ADGRL2: variants seen among roughly 807,000 people sequenced by gnomAD.
ADGRL2 encodes the protein calcium-independent alpha-latrotoxin receptor 2.
ADGRL2 carries 44 observed loss-of-function variants against 157.4 expected under a neutral mutation model. That is an observed-to-expected ratio of 0.28 (90% CI 0.22 to 0.36). ADGRL2 has a LOEUF of 0.36. Ranked by LOEUF, ADGRL2 falls within the 10% of genes least tolerant of loss-of-function variation. The probability of loss-of-function intolerance (pLI) is 1.00; values close to 1 mark genes in which losing one functional copy is unlikely to be tolerated. For missense variants in ADGRL2, 1,510 were observed against 1,768.9 expected (o/e 0.85, Z 2.63); for synonymous variants, 585 against 624.7 (o/e 0.94, Z 0.95).
At chr1:81,342,485 T>C (rs1662143234) in intron 1 of ADGRL2, among the ~76,000 whole-genome samples, 1 of 152,174 alleles carries the variant, frequency 6.6e-6, no homozygotes, top group African/African-American at 2.4e-5. Context: ...TCACTATGAT[T>C]CTTGGGTCAG....
Position 81,568,791 on chromosome 1 carries a change from T to C in ADGRL2, c.-247-12085T>C, listed in dbSNP as rs2080620251. 2.0e-5 allele frequency among the ~76,000 whole-genome samples: 3 copies of C among 152,150 alleles called. No individual in the cohort carries two copies. In the South Asian group the frequency reaches 6.2e-4, roughly 32 times the overall value. ...TTAGCAAATTAAACCAAAAACTGAA[T>C]TATTCAATTCATTTTTTAAAATTTG... is the stretch of plus-strand genomic sequence containing the variant. On this transcript the variant is annotated intron_variant, in intron 2 of 24. Coordinates refer to the ADGRL2 transcript ENST00000370721.
At chr1:81,987,502 T>C (rs1663522409) in intron 22 of ADGRL2, 1 of 654,142 alleles carries the variant, frequency 1.5e-6, no homozygotes, top group Admixed American at 2.6e-5. Flanking sequence ...TGCAGCTTTA[T>C]GGTAGTTTTC....
intron 11 of ADGRL2, among the ~76,000 whole-genome samples, chr1:81,960,193 A>G (rs1415232986): frequency 3.3e-5 from 5 of 152,148 alleles, no homozygotes; most frequent in East Asian, 1.9e-4. Context: ...CAGGTGGGTA[A>G]TTTGTCTTGT....
intron 1 of ADGRL2, among the ~76,000 whole-genome samples, chr1:81,308,151 A>T (rs1659483330): frequency 6.6e-6 from 1 of 152,164 alleles, no homozygotes; most frequent in South Asian, 2.1e-4. Flanking sequence ...TGACTTATTT[A>T]TTACACAGTA....
At chr1:81,322,719 G>T (rs12076026) in intron 1 of ADGRL2, among the ~76,000 whole-genome samples, 14 of 152,164 alleles carry the variant, frequency 9.2e-5, no homozygotes, top group African/African-American at 3.4e-4. Flanking sequence ...AAAATATGGG[G>T]CCAAGCTGAA....
In ADGRL2 at chr1:81,993,702, A is replaced by C. The variant is rs1239508183; in HGVS notation, c.*2557A>C. 1.3e-5 allele frequency among the ~76,000 whole-genome samples: 2 copies of C among 152,134 alleles called. No homozygotes were observed. The highest frequency in any genetic ancestry group is 2.9e-5 in the Non-Finnish European group (2 of 68,026). On this transcript the variant is annotated 3_prime_UTR_variant, in exon 24 of 24. Transcript: ENST00000686636. ...GTAGTTTCTTAGGTTTGTAATTACT[A>C]AACTACTGACTGTTTTAATGCAGAT...
intron 1 of ADGRL2, among the ~76,000 whole-genome samples, chr1:81,324,430 G>T (rs921057872): frequency 6.6e-6 from 1 of 151,118 alleles, no homozygotes; most frequent in East Asian, 1.9e-4. Flanking sequence ...GATGGTTTGA[G>T]CCCGAGAAGT....
intron 3 of ADGRL2, among the ~76,000 whole-genome samples, chr1:81,668,712 G>T (rs1279494345): frequency 1.3e-5 from 2 of 149,076 alleles, no homozygotes; most frequent in African/African-American, 5.0e-5. Context: ...ACAGGCATGT[G>T]CCACCAGGCC....
chr1:81,434,410 C>T (rs1056353112), intron 1 of ADGRL2, among the ~76,000 whole-genome samples: 9 of 151,342 alleles, frequency 5.9e-5, no homozygotes, highest in African/African-American at 2.2e-4. Flanking sequence ...ATTTGTCTCT[C>T]GGTATGTGTT....
chr1:81,457,192 A>G (rs1046376403), intron 2 of ADGRL2, among the ~76,000 whole-genome samples: 1 of 152,016 alleles, frequency 6.6e-6, no homozygotes, highest in Non-Finnish European at 1.5e-5. Context: ...TTTTTCCTAA[A>G]CCTTTCCCTT....
intron 1 of ADGRL2, among the ~76,000 whole-genome samples, chr1:81,326,996 G>A (rs376273597): frequency 3.9e-5 from 6 of 152,190 alleles, no homozygotes; most frequent in African/African-American, 9.6e-5. Context: ...TCCCTGCAGC[G>A]GACTGGCAGG....
At chr1:81,644,551 G>A (rs2082278098) in intron 3 of ADGRL2, among the ~76,000 whole-genome samples, 1 of 152,014 alleles carries the variant, frequency 6.6e-6, no homozygotes, top group Admixed American at 6.6e-5. Context: ...TTTAAAAATG[G>A]GCCAAAGACC....
intron 1 of ADGRL2, among the ~76,000 whole-genome samples, chr1:81,806,070 C>T (rs1335895250): frequency 2.0e-5 from 3 of 151,988 alleles, no homozygotes; most frequent in African/African-American, 7.2e-5. Context: ...CAACAGAAAA[C>T]GAATTTAGAA....
At chr1:81,434,383 C>T (rs1266833624) in intron 1 of ADGRL2, among the ~76,000 whole-genome samples, 1 of 152,000 alleles carries the variant, frequency 6.6e-6, no homozygotes, top group Non-Finnish European at 1.5e-5. Flanking sequence ...CACCATCCAA[C>T]TTTGCTTGTT....
chr1:81,984,577 A>G lies in ADGRL2; in HGVS notation c.3283-6A>G, dbSNP rs1662616155. On this transcript the variant is annotated splice_polypyrimidine_tract_variant and splice_region_variant and intron_variant, in intron 19 of 23. Coordinates refer to ENST00000686636, the MANE Select transcript of ADGRL2 (RefSeq NM_001366006.2). ...AATCCCTTGGTCTTGTGATTATTCA[A>G]TGCAGGTACGAAAAGAATATGGCAA... is the stretch of plus-strand genomic sequence containing the variant. 3.8e-6 allele frequency: 6 copies of G among 1,599,754 alleles called. No individual in the cohort carries two copies. Among genetic ancestry groups the G allele is most frequent in the Non-Finnish European group, 4.3e-6 (5 of 1,169,760 alleles).
At chr1:81,484,290 A>T (rs979271873) in intron 2 of ADGRL2, among the ~76,000 whole-genome samples, 6 of 152,198 alleles carry the variant, frequency 3.9e-5, no homozygotes, top group African/African-American at 1.4e-4. Context: ...TAGTTCCAAC[A>T]ACTAGTCGGA....
chr1:81,366,193 G>A (rs895161178), intron 1 of ADGRL2, among the ~76,000 whole-genome samples: 11 of 151,830 alleles, frequency 7.2e-5, no homozygotes, highest in African/African-American at 2.2e-4. Context: ...CTACAGTAAT[G>A]TTTAAGAGTA....
At chr1:81,459,661 C>A (rs567450539) in intron 2 of ADGRL2, among the ~76,000 whole-genome samples, 2 of 151,832 alleles carry the variant, frequency 1.3e-5, no homozygotes, top group Non-Finnish European at 2.9e-5. Context: ...CTTTAAGATT[C>A]TGATTTTATT....
At chr1:81,702,713 A>C (rs1339007461) in intron 1 of ADGRL2, among the ~76,000 whole-genome samples, 1 of 152,216 alleles carries the variant, frequency 6.6e-6, no homozygotes, top group Non-Finnish European at 1.5e-5. Flanking sequence ...TGGGACCAAA[A>C]TATTAAAAAA....
Sources: gnomAD v4.1 joint callset for allele counts (sites outside exome capture counted in the v4.1 genomes callset) on GRCh38, gnomAD v4.1.1 for gene constraint, MANE v1.5 for transcripts, NCBI Gene and HGNC (gene_info 2026-07-23, HGNC 2026-07-21) for gene names.